Variants in GZMA observed in about 807,000 individuals in gnomAD.
The protein encoded by GZMA is granzyme A, also known as CTL tryptase.
A neutral mutation model predicts 21.1 loss-of-function variants in GZMA; 17 were observed. The ratio of observed to expected loss-of-function variants is 0.81; its 90% confidence interval spans 0.55 to 1.21. The LOEUF is 1.21. Among genes scored for constraint, GZMA ranks in the 50% most tolerant of loss-of-function variants. The pLI, the probability that GZMA is intolerant of heterozygous loss-of-function variation, is 0.00. For synonymous variants in GZMA, 90 were observed against 107.8 expected, an observed-to-expected ratio of 0.83 and a Z score of 1.03; for missense variants, 306 against 315.9, an observed-to-expected ratio of 0.97 and a Z score of 0.24.
intron 4 of GZMA, among the ~76,000 whole-genome samples, chr5:55,108,721 G>A (rs965450695): frequency 1.4e-4 from 22 of 152,132 alleles, no homozygotes; most frequent in African/African-American, 4.8e-4. Context: ...CAACACTTAT[G>A]AGAGCTGAAG....
rs572296148 is a variant in GZMA at position 55,104,020 on chromosome 5, AAG to A, written c.70+1282_70+1283del. 6.6e-5 allele frequency among the ~76,000 whole-genome samples: 10 copies of A among 151,886 alleles called. No homozygotes were observed. The East Asian group carries it at 1.4e-3, about 21-fold the overall frequency. On this transcript the variant is annotated intron_variant, in intron 1 of 4. Transcript: ENST00000274306. ...ACTCTGTCTCAAAAAAAAAACAAAA[AAG>A]AGAGAGAGAGAGAAGAAATATAAAA...
Position 55,108,254 on chromosome 5 carries a change from T to G in GZMA, c.487T>G (p.Ser163Ala). The change falls in exon 4 of 5, where the codon TCC becomes GCC. Residue 163 changes from serine to alanine, a missense_variant. Physicochemically the swap from Ser to Ala is moderately conservative, Grantham distance 99. Coordinates refer to ENST00000274306, the MANE Select transcript of GZMA (RefSeq NM_006144.4). ...WGRTHNSASW[S>A]DTLREVNITI... is the part of the protein sequence containing the mutation. The stretch of plus-strand genomic sequence containing the variant: ...CAGGACTCACAATAGTGCATCTTGG[T>G]CCGATACTCTGAGAGAAGTCAATAT... The G allele has an allele frequency of 6.2e-7, 1 of 1,613,948 alleles. No homozygotes were observed. The highest frequency in any genetic ancestry group is 8.5e-7 in the Non-Finnish European group (1 of 1,179,910).
At chr5:55,102,790 A>G (rs773222116) in intron 1 of GZMA, 38 bp downstream of exon 1, 6 of 1,200,874 alleles carry the variant, frequency 5.0e-6, no homozygotes, top group Non-Finnish European at 7.5e-6. Context: ...ATGACCATGA[A>G]GCAAAATGGA....
At chr5:55,102,921 GA>G (rs905528960) in intron 1 of GZMA, among the ~76,000 whole-genome samples, 169 bp downstream of exon 1, 2 of 152,056 alleles carry the variant, frequency 1.3e-5, no homozygotes, top group African/African-American at 4.8e-5. Context: ...CAGCTACTAG[GA>G]ACGCTGAGGT....
intron 2 of GZMA, among the ~76,000 whole-genome samples, chr5:55,107,568 G>C (rs1443734602): frequency 1.3e-5 from 2 of 152,142 alleles, no homozygotes; most frequent in Non-Finnish European, 2.9e-5. Flanking sequence ...ACCTAGTTTA[G>C]CTTTTTATAA....
chr5:55,106,185 T>A (rs1358427175), intron 2 of GZMA, among the ~76,000 whole-genome samples: 8 of 442 alleles, frequency 0.018, no homozygotes, highest in Non-Finnish European at 0.033. Context: ...AATAAAAAAA[T>A]AAAATAAAAT....
At position 55,102,692 on chromosome 5, in the gene GZMA, T is replaced by TC. The variant is rs1271236257; in HGVS notation, c.12dup (p.Tyr5LeufsTer2). 6.2e-7 allele frequency: 1 copy of TC among 1,606,642 alleles called. No homozygotes were observed. Among genetic ancestry groups the TC allele is most frequent in the Admixed American group, 1.7e-5 (1 of 59,994 alleles). On this transcript the variant is annotated frameshift_variant, in exon 1 of 5. Transcript: ENST00000274306. LOFTEE classifies it high-confidence loss of function. ...TGGGACAGCAGCCACAATGAGGAAC[T>TC]CCTATAGATTTCTGGCATCCTCTCT...
chr5:55,106,882 G>T (rs949677578), intron 2 of GZMA, among the ~76,000 whole-genome samples: 2 of 152,244 alleles, frequency 1.3e-5, no homozygotes, highest in Non-Finnish European at 2.9e-5. Context: ...TTCCTCAGTT[G>T]CACTAGCCAC....
At chr5:55,105,349 G>A in intron 1 of GZMA, 125 bp from the exon 2 acceptor site, 1 of 741,014 alleles carries the variant, frequency 1.3e-6, no homozygotes, top group Non-Finnish European at 2.2e-6. Flanking sequence ...GTAAAAGCAG[G>A]GGAAATGCTC....
rs141571360 is a variant in GZMA at position 55,110,048 on chromosome 5, G to C, written c.655G>C (p.Glu219Gln). The C allele has an allele frequency of 1.2e-6, 2 of 1,611,522 alleles. No homozygotes were observed. Among genetic ancestry groups the C allele is most frequent in the Non-Finnish European group, 1.7e-6 (2 of 1,178,978 alleles). ...NGDSGSPLLC[E>Q]GVFRGVTSFG... ...AGATTCTGGAAGCCCTTTGTTGTGCGAGGGTGTTTTCCGAGGGGTCACTTC... is the reference window on the plus strand; with the variant it reads ...AGATTCTGGAAGCCCTTTGTTGTGCCAGGGTGTTTTCCGAGGGGTCACTTC... Residue 219 changes from glutamate (E) to glutamine (Q), a missense_variant, in exon 5 of 5, where the codon GAG (glutamate) becomes CAG (glutamine). Coordinates refer to ENST00000274306, the MANE Select transcript of GZMA (RefSeq NM_006144.4).
At chr5:55,109,994 C>A in intron 4 of GZMA, 27 bp from the exon 5 acceptor site, 1 of 1,548,502 alleles carries the variant, frequency 6.5e-7, no homozygotes, top group East Asian at 2.3e-5. Flanking sequence ...ACTGACCCCA[C>A]ACCCTACCCC....
intron 2 of GZMA, among the ~76,000 whole-genome samples, chr5:55,106,335 T>TATA (rs1742417243): frequency 7.7e-6 from 1 of 129,394 alleles, no homozygotes; most frequent in African/African-American, 3.5e-5. Flanking sequence ...TAAAATAAAA[T>TATA]AAATAAAATA....
intron 2 of GZMA, among the ~76,000 whole-genome samples, chr5:55,107,050 G>A (rs1468574764): frequency 6.6e-6 from 1 of 151,918 alleles, no homozygotes; most frequent in African/African-American, 2.4e-5. Flanking sequence ...CATATGTTGG[G>A]GATACATGTG....
In GZMA at chr5:55,105,519, C is replaced by A; in HGVS notation, c.116C>A (p.Ser39Ter). The A allele has an allele frequency of 6.2e-7, 1 of 1,611,226 alleles. No individual in the cohort carries two copies. Among genetic ancestry groups the A allele is most frequent in the Non-Finnish European group, 8.5e-7 (1 of 1,177,540 alleles). ...IIGGNEVTPHSRPYMVLLSLD... is the reference protein window; with the variant it reads ...IIGGNEVTPH ...GGAGGAAATGAAGTAACTCCTCATT[C>A]AAGACCCTACATGGTCCTACTTAGT... The change falls in exon 2 of 5, where the codon TCA becomes TAA. Residue 39 changes from serine (S) to a stop codon, truncating the protein, a stop_gained. Transcript: ENST00000274306. LOFTEE classifies it high-confidence loss of function.
chr5:55,103,985 A>G (rs1477635654), intron 1 of GZMA, among the ~76,000 whole-genome samples: 1 of 152,024 alleles, frequency 6.6e-6, no homozygotes, highest in African/African-American at 2.4e-5. Flanking sequence ...CAGCCTGGTG[A>G]CAGAGCGAGA....
rs1417667760 is a variant in GZMA, at chr5:55,108,216, T to G, written c.449T>G (p.Val150Gly). ...DDVKPGTMCQ[V>G]AGWGRTHNSA... ...GTGAAACCAGGAACCATGTGCCAAG[T>G]TGCAGGGTGGGGCAGGACTCACAAT... is the stretch of plus-strand genomic sequence containing the variant. Residue 150 changes from valine to glycine, a missense_variant, in exon 4 of 5, where the codon GTT becomes GGT. Physicochemically the swap from Val to Gly is moderately radical, Grantham distance 109. Transcript: ENST00000274306. 12 of 1,613,448 alleles carry G rather than the reference T, an allele frequency of 7.4e-6. No homozygotes were observed. Among genetic ancestry groups the G allele is most frequent in the Non-Finnish European group, 1.0e-5 (12 of 1,179,538 alleles).
At position 55,108,119 on chromosome 5, in the gene GZMA, C is replaced by A; in HGVS notation, c.358-6C>A. The A allele has an allele frequency of 1.3e-6, 2 of 1,579,204 alleles. No individual in the cohort carries two copies. The highest frequency in any genetic ancestry group is 1.7e-6 in the Non-Finnish European group (2 of 1,149,486). ...CCATTAACACTTTATGTTTTTCTTC[C>A]AACAGCTGATGGAAAAAGCAAAAAT... On this transcript the variant is annotated splice_region_variant and splice_polypyrimidine_tract_variant and intron_variant, in intron 3 of 4. Transcript: ENST00000274306.
intron 4 of GZMA, among the ~76,000 whole-genome samples, chr5:55,109,654 G>A (rs1742468747): frequency 6.6e-6 from 1 of 152,186 alleles, no homozygotes; most frequent in South Asian, 2.1e-4. Flanking sequence ...AAAACATAGT[G>A]TTTATTCTTT....
chr5:55,102,893 G>A, intron 1 of GZMA, 141 bp downstream of exon 1: 1 of 658,014 alleles, frequency 1.5e-6, no homozygotes, highest in Non-Finnish European at 2.8e-6. Flanking sequence ...CAGGCACAAT[G>A]GCACATGCCT....
Sources: gnomAD v4.1 joint callset for allele counts (sites outside exome capture counted in the v4.1 genomes callset) on GRCh38, gnomAD v4.1.1 for gene constraint, MANE v1.5 for transcripts, NCBI Gene and HGNC (gene_info 2026-07-23, HGNC 2026-07-21) for gene names.